The following ADGRF5 variants were observed in gnomAD, a reference collection of about 807,000 sequenced individuals.
ADGRF5 encodes G-protein coupled receptor 116.
In ADGRF5, 75 loss-of-function variants were observed where a neutral mutation model predicts 132.3. The observed-to-expected ratio is 0.57, with a 90% confidence interval of 0.47 to 0.69. ADGRF5 has a LOEUF of 0.69. Ranked by LOEUF, ADGRF5 falls within the 30% of genes least tolerant of loss-of-function variation. The pLI, the probability that ADGRF5 is intolerant of heterozygous loss-of-function variation, is 0.00. For missense variants in ADGRF5, 1,516 were observed against 1,630.6 expected, an observed-to-expected ratio of 0.93 and a Z score of 1.21; for synonymous variants, 629 against 597.6, an observed-to-expected ratio of 1.05 and a Z score of -0.77.
intron 1 of ADGRF5, among the ~76,000 whole-genome samples, chr6:46,910,534 T>C (rs182966349): frequency 4.6e-5 from 7 of 152,260 alleles, no homozygotes; most frequent in Admixed American, 3.3e-4. Flanking sequence ...ACTATTAAAT[T>C]ACCCCCATTT....
chr6:46,880,106 A>G, intron 8 of ADGRF5, 67 bp from the exon 9 acceptor site: 1 of 1,070,472 alleles, frequency 9.3e-7, no homozygotes, highest in Non-Finnish European at 1.4e-6. Flanking sequence ...TACTCACCAC[A>G]CACAACCACC....
At chr6:46,935,044 C>G (rs149655681) in intron 1 of ADGRF5, among the ~76,000 whole-genome samples, 1 of 126,866 alleles carries the variant, frequency 7.9e-6, no homozygotes, top group African/African-American at 3.1e-5. Flanking sequence ...TGCTCTGTTG[C>G]CCAGGCTGGA....
intron 3 of ADGRF5, among the ~76,000 whole-genome samples, chr6:46,898,734 C>T (rs997524420): frequency 6.6e-6 from 1 of 152,162 alleles, no homozygotes; most frequent in Admixed American, 6.5e-5. Context: ...TAGGGTAAGC[C>T]TGCCCTCTTT....
At chr6:46,917,524 G>T (rs537579773) in intron 1 of ADGRF5, among the ~76,000 whole-genome samples, 1 of 152,308 alleles carries the variant, frequency 6.6e-6, no homozygotes, top group East Asian at 1.9e-4. Flanking sequence ...TGGGGATTAT[G>T]ATTTTATTTG....
At chr6:46,867,169 TG>T (rs5875987) in intron 12 of ADGRF5, 32 bp from the exon 13 acceptor site, 1,118,284 of 1,223,380 alleles carry the variant, frequency 0.91, 515,939 homozygotes, top group East Asian at 0.99. Context: ...TGAGATGGAA[TG>T]GAAATAATCG....
intron 3 of ADGRF5, among the ~76,000 whole-genome samples, chr6:46,896,660 ATG>A (rs10655431): frequency 8.6e-5 from 13 of 150,586 alleles, no homozygotes; most frequent in East Asian, 7.8e-4. Context: ...TGTGAGATAT[ATG>A]TGTGTGTGTG....
chr6:46,877,589 T>C (rs185489720), intron 10 of ADGRF5, among the ~76,000 whole-genome samples: 76 of 152,150 alleles, frequency 5.0e-4, no homozygotes, highest in African/African-American at 1.8e-3. Flanking sequence ...ACCATTATTA[T>C]TATTCATCAA....
At chr6:46,935,523 T>C (rs1777776070) in intron 1 of ADGRF5, among the ~76,000 whole-genome samples, 3 of 152,100 alleles carry the variant, frequency 2.0e-5, no homozygotes, top group Admixed American at 2.0e-4. Context: ...CTCAGAGCAG[T>C]ACTTTTAGGG....
At chr6:46,871,231 A>C (rs1005676170) in intron 11 of ADGRF5, among the ~76,000 whole-genome samples, 10 of 152,114 alleles carry the variant, frequency 6.6e-5, no homozygotes, top group Non-Finnish European at 1.5e-4. Context: ...CGTGGGGTGA[A>C]ATTATAATGC....
intron 14 of ADGRF5, chr6:46,863,433 G>A (rs1234737128): frequency 7.4e-6 from 3 of 403,152 alleles, no homozygotes; most frequent in African/African-American, 2.1e-5. Context: ...TCGTCAGAGC[G>A]GGATTTAGGC....
Position 46,853,934 on chromosome 6 carries a change from C to T in ADGRF5, c.*58G>A, listed in dbSNP as rs1768745951. On this transcript the variant is annotated 3_prime_UTR_variant, in exon 21 of 21. Transcript: ENST00000283296. ...GTTCCCCATTGCTTTGCAAGCATCT[C>T]TTTTTAAAAGCACAGCCACTGTCCC... is the stretch of plus-strand genomic sequence containing the variant. 3 of 1,231,490 alleles carry T rather than the reference C, an allele frequency of 2.4e-6. No homozygotes were observed. Among genetic ancestry groups the T allele is most frequent in the Admixed American group, 4.0e-5 (2 of 50,274 alleles). 76.3% of individuals were successfully genotyped at this position (1,231,490 alleles called of 1,614,324 possible). A position where few individuals can be genotyped will look rare whatever the true frequency, so the allele number is the denominator to read the frequency against.
chr6:46,901,757 C>T (rs907550460), intron 2 of ADGRF5, among the ~76,000 whole-genome samples: 4 of 151,930 alleles, frequency 2.6e-5, no homozygotes, highest in Admixed American at 2.6e-4. Flanking sequence ...GAGCGGGTCT[C>T]TCTTTACCCA....
intron 1 of ADGRF5, among the ~76,000 whole-genome samples, chr6:46,947,829 G>C (rs534474408): frequency 6.6e-6 from 1 of 152,284 alleles, no homozygotes; most frequent in East Asian, 1.9e-4. Flanking sequence ...GGACCTTGGA[G>C]GGGGGACCTG....
intron 1 of ADGRF5, among the ~76,000 whole-genome samples, chr6:46,939,783 TA>T (rs1429216096): frequency 6.6e-6 from 1 of 152,218 alleles, no homozygotes; most frequent in Non-Finnish European, 1.5e-5. Context: ...TTTTTCTGTA[TA>T]TAATAGAGAT....
intron 10 of ADGRF5, among the ~76,000 whole-genome samples, chr6:46,877,092 G>A (rs1771739344): frequency 6.6e-6 from 1 of 152,138 alleles, no homozygotes; most frequent in East Asian, 1.9e-4. Context: ...CAGTTTCTAG[G>A]TAAAACACTG....
At chr6:46,878,920 CT>C (rs1213084795) in intron 9 of ADGRF5, among the ~76,000 whole-genome samples, 1 of 152,112 alleles carries the variant, frequency 6.6e-6, no homozygotes, top group African/African-American at 2.4e-5. Flanking sequence ...AAGCCTTATG[CT>C]TGCTTCTGTA....
At position 46,859,728 on chromosome 6, in the gene ADGRF5, T is replaced by C. The variant is rs527287317; in HGVS notation, c.2380-205A>G. ...GGTCCCCAAGACTGAAAGATGCCAGTAAGCATTTAGCAATGGTGACAGTGA... is the reference window on the plus strand; with the variant it reads ...GGTCCCCAAGACTGAAAGATGCCAGCAAGCATTTAGCAATGGTGACAGTGA... On this transcript the variant is annotated intron_variant, in intron 16 of 20. Transcript: ENST00000283296. 1.7e-4 allele frequency among the ~76,000 whole-genome samples: 26 copies of C among 152,316 alleles called. No individual in the cohort carries two copies. In the South Asian group the frequency reaches 5.4e-3, roughly 32 times the overall value.
chr6:46,858,891 A>G lies in ADGRF5; in HGVS notation c.3012T>C (p.Pro1004=), dbSNP rs1317723302. The G allele has an allele frequency of 8.1e-6, 13 of 1,613,974 alleles. No homozygotes were observed. The Admixed American group carries it at 8.3e-5, about 10-fold the overall frequency. Residue 1004 remains proline (P), a synonymous_variant, in exon 17 of 21, where the codon CCT becomes CCC. Transcript: ENST00000283296. ...CCAGGAGTATTCCCAGGAGAGAACT[A>G]GGATCTGGGGAGTCAGGGGACATGA... ...SILMSPDSPD[P]SSLLGILLDI...
At chr6:46,913,001 T>G (rs1776093850) in intron 1 of ADGRF5, among the ~76,000 whole-genome samples, 1 of 152,210 alleles carries the variant, frequency 6.6e-6, no homozygotes, top group Non-Finnish European at 1.5e-5. Flanking sequence ...GCCTGTCCAT[T>G]GCATCCTTGC....
Sources: allele counts gnomAD v4.1 joint callset (sites outside exome capture counted in the v4.1 genomes callset), GRCh38; gene constraint gnomAD v4.1.1; transcripts MANE v1.5; gene names NCBI Gene and HGNC (gene_info 2026-07-23, HGNC 2026-07-21).